Variants in RAB27B observed in about 807,000 individuals in gnomAD.
The protein encoded by RAB27B is ras-related protein Rab-27B.
Under a neutral mutation model 24.6 loss-of-function variants are expected in RAB27B, and 15 were observed. That is an observed-to-expected ratio of 0.61 (90% CI 0.41 to 0.94). RAB27B has a LOEUF of 0.94. RAB27B is among the 40% of genes least tolerant of loss of function. RAB27B has a pLI of 0.00. For synonymous variants in RAB27B, 105 were observed against 92.5 expected, an observed-to-expected ratio of 1.14 and a Z score of -0.78; for missense variants, 261 against 266.8, an observed-to-expected ratio of 0.98 and a Z score of 0.15.
chr18:54,764,857 G>A (rs12959585), intron 2 of RAB27B, among the ~76,000 whole-genome samples: 60,054 of 151,854 alleles, frequency 0.4, 12,227 homozygotes, highest in South Asian at 0.47. Context: ...GCTGTCTGTG[G>A]CATCTCACAA....
At chr18:54,873,189 G>C (rs9807202) in intron 1 of RAB27B, among the ~76,000 whole-genome samples, 3 of 151,944 alleles carry the variant, frequency 2.0e-5, no homozygotes, top group Admixed American at 6.5e-5. Flanking sequence ...AAAACTGAGG[G>C]GCTAGACCAC....
chr18:54,811,041 C>T (rs912334055), intron 2 of RAB27B, among the ~76,000 whole-genome samples: 4 of 151,772 alleles, frequency 2.6e-5, no homozygotes, highest in Non-Finnish European at 4.4e-5. Flanking sequence ...GAATACATTT[C>T]CTATGAAAAA....
In RAB27B at chr18:54,877,570, G is replaced by A. The variant is rs888227692; in HGVS notation, c.-16G>A. On this transcript the variant is annotated 5_prime_UTR_variant, in exon 2 of 6. Coordinates refer to ENST00000262094, the MANE Select transcript of RAB27B (RefSeq NM_004163.4). ...TTGTTTTCCCTCTCCTATACAGACCGACCAAGACCATCACTATGACCGATG... is the reference window on the plus strand; with the variant it reads ...TTGTTTTCCCTCTCCTATACAGACCAACCAAGACCATCACTATGACCGATG... 1.1e-5 allele frequency: 16 copies of A among 1,518,388 alleles called. No homozygotes were observed. The highest frequency in any genetic ancestry group is 1.4e-5 in the African/African-American group (1 of 69,706). 94.1% of individuals were successfully genotyped at this position (1,518,388 alleles called of 1,614,324 possible).
chr18:54,804,890 TTCTCTTTCTCTC>T (rs1258090535), intron 2 of RAB27B, among the ~76,000 whole-genome samples: 7 of 28,908 alleles, frequency 2.4e-4, no homozygotes. Context: ...CTTTCTTTCT[TTCTCTTTCTCTC>T]TCTCTTTCTT....
intron 2 of RAB27B, among the ~76,000 whole-genome samples, chr18:54,822,234 C>T (rs1216335931): frequency 6.6e-6 from 1 of 152,082 alleles, no homozygotes. Flanking sequence ...GAAGGAAAGA[C>T]ATATTTGCTT....
chr18:54,889,795 AT>A lies in RAB27B; in HGVS notation c.*385del, dbSNP rs1323226287. 1 of 156,070 alleles carries A rather than the reference AT, an allele frequency of 6.4e-6. No individual in the cohort carries two copies. Among genetic ancestry groups the A allele is most frequent in the Non-Finnish European group, 1.4e-5 (1 of 70,674 alleles). The allele number at this position is 156,070 out of a possible 1,614,324, so 9.7% of individuals were successfully genotyped here. On this transcript the variant is annotated 3_prime_UTR_variant, in exon 6 of 6. Transcript: ENST00000262094. ...CTAAAGGGAGAACACAGAAAGAAGAATTTCTAAAATATTGGATTTACTTCTT... is the reference window on the plus strand; with the variant it reads ...CTAAAGGGAGAACACAGAAAGAAGAATTCTAAAATATTGGATTTACTTCTT...
At chr18:54,800,499 T>C (rs887696978) in intron 2 of RAB27B, among the ~76,000 whole-genome samples, 4 of 152,258 alleles carry the variant, frequency 2.6e-5, no homozygotes, top group Non-Finnish European at 4.4e-5. Context: ...TTTAGTATAA[T>C]TGATGAAGAC....
chr18:54,865,366 C>T (rs1458251292), intron 1 of RAB27B, among the ~76,000 whole-genome samples: 2 of 150,790 alleles, frequency 1.3e-5, no homozygotes, highest in African/African-American at 4.9e-5. Context: ...TAAGAATTGC[C>T]AAGGTATACC....
intron 2 of RAB27B, among the ~76,000 whole-genome samples, chr18:54,813,898 T>C (rs372273990): frequency 3.4e-4 from 52 of 152,306 alleles, no homozygotes; most frequent in African/African-American, 1.2e-3. Flanking sequence ...AATTAGTTGG[T>C]AAGGTCAGTA....
intron 1 of RAB27B, among the ~76,000 whole-genome samples, chr18:54,850,357 T>TATATATATATATATATATATATATAC (rs1264669719): frequency 7.7e-6 from 1 of 130,564 alleles, no homozygotes; most frequent in Non-Finnish European, 1.6e-5. Context: ...TATATATATA[T>TATATATATATATATATATATATATAC]ATACATACAT....
intron 1 of RAB27B, among the ~76,000 whole-genome samples, chr18:54,841,305 CT>C (rs1009237579): frequency 6.6e-6 from 1 of 152,048 alleles, no homozygotes; most frequent in African/African-American, 2.4e-5. Flanking sequence ...TATGTACAGA[CT>C]TTTTGCTTCT....
intron 1 of RAB27B, among the ~76,000 whole-genome samples, chr18:54,834,739 ACT>A (rs1199923972): frequency 6.6e-6 from 1 of 151,804 alleles, no homozygotes; most frequent in Non-Finnish European, 1.5e-5. Flanking sequence ...AAACATATGA[ACT>A]CTATAATAGA....
intron 4 of RAB27B, among the ~76,000 whole-genome samples, chr18:54,886,994 C>T (rs1444601498): frequency 7.4e-6 from 1 of 134,396 alleles, no homozygotes; most frequent in Non-Finnish European, 1.6e-5. Context: ...CCCTGCCCTG[C>T]CCTCCCCTCG....
intron 1 of RAB27B, among the ~76,000 whole-genome samples, chr18:54,833,123 T>C (rs2145187420): frequency 6.6e-6 from 1 of 152,138 alleles, no homozygotes; most frequent in African/African-American, 2.4e-5. Context: ...GAGCCGAAGC[T>C]TGGGAAAAAA....
At chr18:54,831,584 C>T (rs1226889957) in intron 1 of RAB27B, among the ~76,000 whole-genome samples, 3 of 152,056 alleles carry the variant, frequency 2.0e-5, no homozygotes, top group South Asian at 2.1e-4. Context: ...GTGAGATATA[C>T]GAGGCCTCTG....
chr18:54,744,089 C>A (rs1211995407), intron 2 of RAB27B, among the ~76,000 whole-genome samples: 2 of 152,114 alleles, frequency 1.3e-5, no homozygotes, highest in African/African-American at 4.8e-5. Context: ...TTATTAAAAT[C>A]AACAGTGAAT....
chr18:54,737,909 G>A (rs1909948271), intron 2 of RAB27B, among the ~76,000 whole-genome samples: 1 of 152,100 alleles, frequency 6.6e-6, no homozygotes, highest in African/African-American at 2.4e-5. Flanking sequence ...CATAAAAAGA[G>A]GTGTCAGACA....
chr18:54,839,294 G>A (rs1911016806), intron 1 of RAB27B, among the ~76,000 whole-genome samples: 1 of 152,138 alleles, frequency 6.6e-6, no homozygotes, highest in African/African-American at 2.4e-5. Flanking sequence ...TGACTTTAAT[G>A]GGAACAGTTT....
chr18:54,741,272 T>A (rs1910063090), intron 2 of RAB27B, among the ~76,000 whole-genome samples: 1 of 152,204 alleles, frequency 6.6e-6, no homozygotes, highest in Non-Finnish European at 1.5e-5. Context: ...CCCACAGCCC[T>A]GTTCCTTAAA....
Sources: gnomAD v4.1 joint callset for allele counts (sites outside exome capture counted in the v4.1 genomes callset) on GRCh38, gnomAD v4.1.1 for gene constraint, MANE v1.5 for transcripts, NCBI Gene and HGNC (gene_info 2026-07-23, HGNC 2026-07-21) for gene names.